The following ADAMTSL1 variants were observed in gnomAD, a reference collection of about 807,000 sequenced individuals.
ADAMTSL1 encodes the protein ADAMTS like 1, also known as ADAMTS-like protein 1.
ADAMTSL1 carries 126 observed loss-of-function variants against 201.8 expected under a neutral mutation model. That is an observed-to-expected ratio of 0.62 (90% CI 0.54 to 0.72). The LOEUF (loss-of-function observed/expected upper bound fraction) is 0.72, where lower values mean the gene tolerates loss of function less well. Among genes scored for constraint, ADAMTSL1 ranks in the 30% least tolerant of loss-of-function variants. ADAMTSL1 has a pLI of 0.00. For missense variants in ADAMTSL1, 2,679 were observed against 2,277.8 expected, an observed-to-expected ratio of 1.18 and a Z score of -3.59; for synonymous variants, 1,121 against 903.4, an observed-to-expected ratio of 1.24 and a Z score of -4.32.
rs569554417 is a variant in ADAMTSL1 at position 18,441,192 on chromosome 9, G to GA, written c.208-63637_208-63636insA. On this transcript the variant is annotated intron_variant, in intron 2 of 29. Transcript: ENST00000680146. ...TGGGGAGAGGAATGGGGTTTCTTTTGGGGGTAATAAGAATGTTATGGAATT... is the reference window on the plus strand; with the variant it reads ...TGGGGAGAGGAATGGGGTTTCTTTTGAGGGGTAATAAGAATGTTATGGAATT... 8.8e-4 allele frequency among the ~76,000 whole-genome samples: 78 copies of GA among 88,170 alleles called. 1 individual carries two copies. The South Asian group carries it at 0.013, about 14-fold the overall frequency. 57.8% of individuals were successfully genotyped at this position (88,170 alleles called of 152,430 possible).
intron 13 of ADAMTSL1, among the ~76,000 whole-genome samples, chr9:18,697,714 G>A (rs1831640716): frequency 6.6e-6 from 1 of 152,226 alleles, no homozygotes; most frequent in Non-Finnish European, 1.5e-5. Flanking sequence ...AGTTGAAAGT[G>A]AGATGTGAAG....
At chr9:18,528,953 A>G (rs1199921621) in intron 2 of ADAMTSL1, among the ~76,000 whole-genome samples, 1 of 152,146 alleles carries the variant, frequency 6.6e-6, no homozygotes, top group Non-Finnish European at 1.5e-5. Context: ...GAAATCACTC[A>G]GCTGTTTTAT....
chr9:18,223,149 T>G (rs962337507), intron 2 of ADAMTSL1, among the ~76,000 whole-genome samples: 5 of 152,088 alleles, frequency 3.3e-5, no homozygotes, highest in African/African-American at 1.2e-4. Context: ...TCATTATCAG[T>G]ATTACATGTT....
At chr9:17,992,121 T>C (rs1819178009) in intron 1 of ADAMTSL1, among the ~76,000 whole-genome samples, 1 of 152,010 alleles carries the variant, frequency 6.6e-6, no homozygotes, top group Non-Finnish European at 1.5e-5. Flanking sequence ...ATATAGAGTA[T>C]GGGTATAGAG....
At chr9:18,540,458 A>T (rs61210955) in intron 3 of ADAMTSL1, among the ~76,000 whole-genome samples, 10,281 of 152,156 alleles carry the variant, frequency 0.068, 1,041 homozygotes, top group African/African-American at 0.22. Context: ...CTCTGAGTTG[A>T]CATTTAAATG....
chr9:18,739,273 A>G (rs1350456131), intron 15 of ADAMTSL1, among the ~76,000 whole-genome samples: 1 of 152,232 alleles, frequency 6.6e-6, no homozygotes, highest in African/African-American at 2.4e-5. Context: ...CAAGGTCATA[A>G]AACACAGATG....
At chr9:18,531,682 C>G (rs563251155) in intron 2 of ADAMTSL1, among the ~76,000 whole-genome samples, 16 of 152,258 alleles carry the variant, frequency 1.1e-4, no homozygotes, top group Admixed American at 2.0e-4. Flanking sequence ...ATTTCTTACA[C>G]CAAATTATAT....
At chr9:18,312,488 G>T (rs1284345749) in intron 2 of ADAMTSL1, among the ~76,000 whole-genome samples, 3 of 152,136 alleles carry the variant, frequency 2.0e-5, no homozygotes, top group Non-Finnish European at 4.4e-5. Flanking sequence ...ACTGGCCTTG[G>T]CCTTGAACTT....
chr9:18,383,902 T>A (rs147986823), intron 2 of ADAMTSL1, among the ~76,000 whole-genome samples: 151 of 152,286 alleles, frequency 9.9e-4, no homozygotes, highest in Middle Eastern at 6.8e-3. Flanking sequence ...TGGGGTCTGG[T>A]TAATGCAGAT....
chr9:18,179,423 G>T (rs1314920262), intron 2 of ADAMTSL1, among the ~76,000 whole-genome samples: 1 of 152,180 alleles, frequency 6.6e-6, no homozygotes, highest in Non-Finnish European at 1.5e-5. Flanking sequence ...AAGTGACGGG[G>T]AGAATGGAAC....
chr9:18,688,193 G>A (rs4457426), intron 13 of ADAMTSL1, among the ~76,000 whole-genome samples: 23,227 of 150,492 alleles, frequency 0.15, 2,156 homozygotes, highest in South Asian at 0.24. Context: ...GCGTGATCTC[G>A]GCTCACTGCA....
intron 2 of ADAMTSL1, among the ~76,000 whole-genome samples, chr9:18,315,727 C>G (rs902856363): frequency 2.0e-5 from 3 of 152,184 alleles, no homozygotes; most frequent in African/African-American, 7.2e-5. Flanking sequence ...CACCTCCCGG[C>G]AAGCAGAGGG....
chr9:18,865,185 C>T (rs902900989), intron 23 of ADAMTSL1, among the ~76,000 whole-genome samples: 1 of 151,904 alleles, frequency 6.6e-6, no homozygotes, highest in African/African-American at 2.4e-5. Context: ...TGCTATCCCT[C>T]CCCGCTCCCC....
intron 1 of ADAMTSL1, among the ~76,000 whole-genome samples, chr9:17,938,726 C>T (rs1827112706): frequency 6.6e-6 from 1 of 152,114 alleles, no homozygotes; most frequent in Non-Finnish European, 1.5e-5. Flanking sequence ...GTTTTCTTGG[C>T]TTACCTTGTC....
chr9:18,655,254 C>A (rs147801119), intron 7 of ADAMTSL1, among the ~76,000 whole-genome samples: 1 of 152,212 alleles, frequency 6.6e-6, no homozygotes, highest in Non-Finnish European at 1.5e-5. Flanking sequence ...CCATAACCCC[C>A]CATACACATT....
chr9:18,785,117 T>A (rs1821627049), intron 19 of ADAMTSL1, among the ~76,000 whole-genome samples: 1 of 152,012 alleles, frequency 6.6e-6, no homozygotes, highest in South Asian at 2.1e-4. Context: ...TGAGCTGGTA[T>A]CGTGCCACTG....
At chr9:18,699,817 G>A (rs1463406762) in intron 13 of ADAMTSL1, among the ~76,000 whole-genome samples, 1 of 152,170 alleles carries the variant, frequency 6.6e-6, no homozygotes, top group Non-Finnish European at 1.5e-5. Flanking sequence ...ACCTTACAGT[G>A]CTGAAGATGC....
At chr9:17,935,959 C>T (rs139642758) in intron 1 of ADAMTSL1, among the ~76,000 whole-genome samples, 64 of 152,286 alleles carry the variant, frequency 4.2e-4, no homozygotes, top group African/African-American at 1.4e-3. Context: ...GCCATCTCTC[C>T]GATCCTCTCA....
intron 2 of ADAMTSL1, among the ~76,000 whole-genome samples, chr9:18,527,033 G>C (rs569731216): frequency 6.6e-6 from 1 of 152,196 alleles, no homozygotes; most frequent in Admixed American, 6.5e-5. Context: ...GAGGTGGGAG[G>C]ATCAGTGGTA....
Sources: gnomAD v4.1 joint callset for allele counts (sites outside exome capture counted in the v4.1 genomes callset) on GRCh38, gnomAD v4.1.1 for gene constraint, MANE v1.5 for transcripts, NCBI Gene and HGNC (gene_info 2026-07-23, HGNC 2026-07-21) for gene names.